CLEC12A: variants seen among roughly 807,000 people sequenced by gnomAD.
The protein encoded by CLEC12A is C-type lectin domain family 12 member A, also known as C-type lectin protein CLL-1.
Under a neutral mutation model 26.5 loss-of-function variants are expected in CLEC12A, and 22 were observed. That is an observed-to-expected ratio of 0.83 (90% CI 0.59 to 1.19). The LOEUF (loss-of-function observed/expected upper bound fraction) is 1.19, where lower values mean the gene tolerates loss of function less well. Among genes scored for constraint, CLEC12A ranks in the 50% most tolerant of loss-of-function variants. The pLI, the probability that CLEC12A is intolerant of heterozygous loss-of-function variation, is 0.00. For missense variants in CLEC12A, 353 were observed against 315.6 expected (o/e 1.12, Z -0.90); for synonymous variants, 119 against 101.9 (o/e 1.17, Z -1.01).
At chr12:9,960,500 G>T (rs1180066139) in intron 1 of CLEC12A, among the ~76,000 whole-genome samples, 1 of 152,132 alleles carries the variant, frequency 6.6e-6, no homozygotes, top group Non-Finnish European at 1.5e-5. Flanking sequence ...AAAGTACCCA[G>T]ATCATAGTGC....
At chr12:9,980,448 A>AAAAAG in intron 3 of CLEC12A, 134 bp from the exon 4 acceptor site, 2 of 838,028 alleles carry the variant, frequency 2.4e-6, no homozygotes, top group Non-Finnish European at 1.8e-6. Context: ...AAAAAAAAAA[A>AAAAAG]GGGGGAAAGA....
intron 5 of CLEC12A, chr12:9,983,448 A>G (rs1174609288): frequency 2.9e-6 from 2 of 683,586 alleles, no homozygotes; most frequent in East Asian, 2.7e-5. Context: ...TGTTCTGCTT[A>G]TAATGGGAAA....
rs895207186 is a variant in CLEC12A, at chr12:9,994,983, T to C, written n.1005-35T>C. 22 of 1,525,790 alleles carry C rather than the reference T, an allele frequency of 1.4e-5. No homozygotes were observed. The Middle Eastern group carries it at 5.5e-4, about 38-fold the overall frequency. 94.5% of individuals were successfully genotyped at this position (1,525,790 alleles called of 1,614,324 possible). Reference sequence around the variant, plus strand: ...AAGTAATGGGAGAGAGGGGAAAGAATTGTCTTATGACCAGCGCTGTCTTGT... The same window carrying C: ...AAGTAATGGGAGAGAGGGGAAAGAACTGTCTTATGACCAGCGCTGTCTTGT... On this transcript the variant is annotated intron_variant and non_coding_transcript_variant, in intron 4 of 4. Transcript: ENST00000449959.
the CLEC12A span, among the ~76,000 whole-genome samples, chr12:10,004,730 G>C: frequency 6.6e-6 from 1 of 151,880 alleles, no homozygotes; most frequent in Non-Finnish European, 1.5e-5. Flanking sequence ...CCAGCTTAAG[G>C]GTGGGGCACG....
Position 9,982,817 on chromosome 12 carries a change from A to G in CLEC12A, c.641+688A>G, listed in dbSNP as rs1864616279. 2.6e-5 allele frequency among the ~76,000 whole-genome samples: 4 copies of G among 152,162 alleles called. No homozygotes were observed. The South Asian group carries it at 8.3e-4, about 32-fold the overall frequency. ...ACCCTCCTACTTTTTGGAGTCTCCAATGTCTATTATTCCACTTTTTATGTG... is the reference window on the plus strand; with the variant it reads ...ACCCTCCTACTTTTTGGAGTCTCCAGTGTCTATTATTCCACTTTTTATGTG... On this transcript the variant is annotated intron_variant, in intron 5 of 5. Coordinates refer to ENST00000304361, the MANE Select transcript of CLEC12A (RefSeq NM_138337.6).
At chr12:9,994,900 A>G in intron 4 of CLEC12A, 2 of 1,054,878 alleles carry the variant, frequency 1.9e-6, no homozygotes, top group South Asian at 3.0e-5. Flanking sequence ...GGTTGAATGT[A>G]AAAATGAATG....
At chr12:9,953,752 C>T (rs866845945) in intron 1 of CLEC12A, among the ~76,000 whole-genome samples, 14 of 151,990 alleles carry the variant, frequency 9.2e-5, no homozygotes, top group South Asian at 2.1e-4. Flanking sequence ...ACAATGGCGG[C>T]TTTGTGGAAT....
chr12:9,989,303 T>G (rs928188722), downstream of CLEC12A, among the ~76,000 whole-genome samples: 11 of 151,990 alleles, frequency 7.2e-5, no homozygotes, highest in Admixed American at 2.0e-4. Flanking sequence ...ACATGGCACA[T>G]GTATAAATAT....
chr12:9,959,648 C>T (rs1332671152), intron 1 of CLEC12A, among the ~76,000 whole-genome samples: 2 of 151,964 alleles, frequency 1.3e-5, no homozygotes, highest in African/African-American at 4.8e-5. Context: ...AGGATGGACT[C>T]GGGGCAGGTA....
intron 1 of CLEC12A, among the ~76,000 whole-genome samples, chr12:9,958,726 G>A (rs946426185): frequency 1.3e-5 from 2 of 152,122 alleles, no homozygotes; most frequent in Non-Finnish European, 2.9e-5. Flanking sequence ...AAGTTTTACC[G>A]GCAGTCTGAA....
chr12:10,006,047 CAAT>C, the CLEC12A span, among the ~76,000 whole-genome samples: 3 of 152,272 alleles, frequency 2.0e-5, no homozygotes, highest in African/African-American at 7.2e-5. Flanking sequence ...TCTTCTAAAT[CAAT>C]AATACTTCCA....
chr12:9,959,536 G>A (rs1863797320), intron 1 of CLEC12A, among the ~76,000 whole-genome samples: 1 of 151,628 alleles, frequency 6.6e-6, no homozygotes, highest in Admixed American at 6.6e-5. Context: ...TAATGGTAAT[G>A]AGTCCCTGGC....
chr12:9,986,062 G>A, downstream of CLEC12A: 1 of 448,014 alleles, frequency 2.2e-6, no homozygotes, highest in Non-Finnish European at 4.5e-6. Flanking sequence ...TTGTGCAGCA[G>A]AGCATTCTCA....
intron 1 of CLEC12A, among the ~76,000 whole-genome samples, chr12:9,956,607 C>T (rs1196951193): frequency 6.6e-6 from 1 of 152,168 alleles, no homozygotes; most frequent in Non-Finnish European, 1.5e-5. Flanking sequence ...TCTGAGATTC[C>T]TTATGAAAAG....
At chr12:9,971,369 A>G (rs769549097), upstream of CLEC12A, 257 of 1,123,558 alleles carry the variant, frequency 2.3e-4, 1 homozygote, top group Non-Finnish European at 2.7e-4. Flanking sequence ...TATCTGTTGC[A>G]ACAGTTCAAT....
upstream of CLEC12A, among the ~76,000 whole-genome samples, chr12:9,966,790 G>A (rs56366254): frequency 0.51 from 58,892 of 114,996 alleles, 16,186 homozygotes; most frequent in South Asian, 0.63. Flanking sequence ...GAGCAGATTG[G>A]GTAATAAAAT....
At position 9,953,312 on chromosome 12, in the gene CLEC12A, G is replaced by GA. The variant is rs1484618494; in HGVS notation, c.10+1956_10+1957insA. ...CCACCCCGTCTGGGACGGAGATGGG[G>GA]GGTCAGCCCCCCCGCCCAGCCAGCT... is the stretch of plus-strand genomic sequence containing the variant. On this transcript the variant is annotated intron_variant, in intron 1 of 6. Transcript: ENST00000355690. The GA allele has an allele frequency of 7.3e-5, 3 of 41,004 alleles. 1 individual carries two copies. The East Asian group carries it at 3.1e-3, about 42-fold the overall frequency. 2.5% of individuals were successfully genotyped at this position (41,004 alleles called of 1,614,324 possible).
chr12:9,997,869 A>G (rs1251885783), downstream of CLEC12A, among the ~76,000 whole-genome samples: 1 of 152,212 alleles, frequency 6.6e-6, no homozygotes, highest in Non-Finnish European at 1.5e-5. Flanking sequence ...AAAATGAGAA[A>G]CAGAAAATTT....
the CLEC12A span, among the ~76,000 whole-genome samples, chr12:10,005,423 G>T: frequency 6.6e-6 from 1 of 152,144 alleles, no homozygotes; most frequent in African/African-American, 2.4e-5. Flanking sequence ...CAATTGCCCA[G>T]GTTTCTTCCA....
Sources: allele counts gnomAD v4.1 joint callset (sites outside exome capture counted in the v4.1 genomes callset), GRCh38; gene constraint gnomAD v4.1.1; transcripts MANE v1.5; gene names NCBI Gene and HGNC (gene_info 2026-07-23, HGNC 2026-07-21).